Variants in LAYN observed in about 807,000 individuals in gnomAD.
LAYN encodes the protein layilin.
LAYN carries 38 observed loss-of-function variants against 43.6 expected under a neutral mutation model. The observed-to-expected ratio is 0.87, with a 90% CI of 0.67 to 1.14. The LOEUF (loss-of-function observed/expected upper bound fraction) is 1.14, where lower values mean the gene tolerates loss of function less well. Among genes scored for constraint, LAYN ranks in the 50% most tolerant of loss-of-function variants. The pLI, the probability that LAYN is intolerant of heterozygous loss-of-function variation, is 0.00. For synonymous variants in LAYN, 168 were observed against 172.9 expected (o/e 0.97, Z 0.22); for missense variants, 479 against 463.8 (o/e 1.03, Z -0.30).
intron 3 of LAYN, among the ~76,000 whole-genome samples, chr11:111,552,589 G>A (rs1308419621): frequency 6.6e-6 from 1 of 152,222 alleles, no homozygotes; most frequent in African/African-American, 2.4e-5. Flanking sequence ...CATATTCAGT[G>A]AATATCAGAA....
chr11:111,559,988 A>G (rs1231217249), intron 6 of LAYN, 107 bp from the exon 7 acceptor site: 33 of 1,311,628 alleles, frequency 2.5e-5, no homozygotes, highest in Non-Finnish European at 3.4e-5. Flanking sequence ...CGAGACATGC[A>G]GCTGGGTGAC....
Position 111,540,870 on chromosome 11 carries a change from C to T in LAYN, c.27C>T (p.Ala9=), listed in dbSNP as rs17852272. 6 of 1,532,010 alleles carry T rather than the reference C, an allele frequency of 3.9e-6. No individual in the cohort carries two copies. Among genetic ancestry groups the T allele is most frequent in the East Asian group, 2.5e-5 (1 of 40,742 alleles). The allele number at this position is 1,532,010 out of a possible 1,614,324, so 94.9% of individuals were successfully genotyped here. MRPGTALQ[A]VLLAVLLVGL... ...TGAGGCCGGGAACCGCGCTACAGGC[C>T]GTGCTGCTGGCCGTGCTGCTGGTGG... The change falls in exon 1 of 7, where the codon GCC becomes GCT. Residue 9 remains alanine (A), a synonymous_variant. Transcript: ENST00000375614.
At chr11:111,556,655 G>A (rs1472224053) in intron 5 of LAYN, among the ~76,000 whole-genome samples, 1 of 152,164 alleles carries the variant, frequency 6.6e-6, no homozygotes, top group African/African-American at 2.4e-5. Context: ...AAAGGTGGGT[G>A]GCATTTCTAT....
At chr11:111,549,872 G>A (rs536834122) in intron 3 of LAYN, 97 bp downstream of exon 3, 2 of 1,337,066 alleles carry the variant, frequency 1.5e-6, no homozygotes, top group Admixed American at 2.5e-5. Flanking sequence ...TGGTCTCTGA[G>A]AAAGCTTGTT....
chr11:111,549,584 C>T (rs1565267761), intron 2 of LAYN, 34 bp from the exon 3 acceptor site: 7 of 1,488,660 alleles, frequency 4.7e-6, no homozygotes, highest in Non-Finnish European at 5.3e-6. Context: ...GGATCCTTCT[C>T]CAGTTGCCTC....
At chr11:111,555,107 C>A in intron 4 of LAYN, 100 bp from the exon 5 acceptor site, 1 of 875,028 alleles carries the variant, frequency 1.1e-6, no homozygotes, top group South Asian at 1.6e-5. Context: ...GGCAAAATTT[C>A]TACAGCTTTT....
intron 1 of LAYN, among the ~76,000 whole-genome samples, chr11:111,543,089 C>T (rs1270127238): frequency 1.3e-5 from 2 of 152,068 alleles, no homozygotes; most frequent in African/African-American, 2.4e-5. Context: ...TGGGGTGCAG[C>T]GGGGAGCTAG....
chr11:111,540,413 G>A (rs1016918038), upstream of LAYN: 11 of 191,504 alleles, frequency 5.7e-5, no homozygotes, highest in East Asian at 1.0e-3. Flanking sequence ...CGGGAGAGGA[G>A]GGGTGAGATG....
chr11:111,556,136 A>G (rs1175506874), intron 5 of LAYN, among the ~76,000 whole-genome samples: 1 of 152,214 alleles, frequency 6.6e-6, no homozygotes, highest in Non-Finnish European at 1.5e-5. Flanking sequence ...ATTCACTAGA[A>G]CAACCTACAG....
intron 6 of LAYN, among the ~76,000 whole-genome samples, 175 bp downstream of exon 6, chr11:111,557,818 T>C (rs188931428): frequency 6.6e-6 from 1 of 152,354 alleles, no homozygotes; most frequent in African/African-American, 2.4e-5. Context: ...CATTTGTGCT[T>C]AGTTGTGATT....
At chr11:111,551,293 C>G (rs781394336) in intron 3 of LAYN, 19 of 455,922 alleles carry the variant, frequency 4.2e-5, no homozygotes, top group South Asian at 2.9e-4. Flanking sequence ...CTCTTTCCTT[C>G]TATCCTCTGA....
chr11:111,560,366 T>A lies in LAYN; in HGVS notation c.1033T>A (p.Phe345Ile). Reference protein sequence around the residue: ...FVTLVSVESGFVTNDIYEFSP... With the variant: ...FVTLVSVESGIVTNDIYEFSP... ...GACTCTGGTGAGCGTGGAGAGTGGA[T>A]TTGTGACCAATGACATTTATGAGTT... The change falls in exon 7 of 7, where the codon TTT (phenylalanine) becomes ATT (isoleucine). Residue 345 changes from phenylalanine to isoleucine, a missense_variant. Transcript: ENST00000375614. 6.2e-7 allele frequency: 1 copy of A among 1,614,022 alleles called. No homozygotes were observed. The highest frequency in any genetic ancestry group is 2.2e-5 in the East Asian group (1 of 44,868).
At chr11:111,546,069 T>C (rs1365278885) in intron 2 of LAYN, among the ~76,000 whole-genome samples, 2 of 152,220 alleles carry the variant, frequency 1.3e-5, no homozygotes, top group Non-Finnish European at 2.9e-5. Context: ...TACCTATTAG[T>C]ATCTATTGTA....
At position 111,554,641 on chromosome 11, in the gene LAYN, C is replaced by T. The variant is rs188689520; in HGVS notation, c.574+48C>T. On this transcript the variant is annotated intron_variant, in intron 4 of 6. Transcript: ENST00000375614. ...GGGTTAACTGGGGCTGTTTCATAGC[C>T]CCTCTTCACAGGTTTAAAGCCCTAT... 2.8e-5 allele frequency: 42 copies of T among 1,508,040 alleles called. 2 individuals are homozygous for T. In the East Asian group the frequency reaches 3.6e-4, roughly 13 times the overall value. 93.4% of individuals were successfully genotyped at this position (1,508,040 alleles called of 1,614,324 possible).
At chr11:111,542,150 G>T (rs1035444040) in intron 1 of LAYN, among the ~76,000 whole-genome samples, 1 of 152,206 alleles carries the variant, frequency 6.6e-6, no homozygotes, top group Admixed American at 6.5e-5. Context: ...GGGCTCATTT[G>T]CCCCTCCTCT....
chr11:111,550,759 TG>T (rs1436548524), intron 3 of LAYN, among the ~76,000 whole-genome samples: 1 of 152,224 alleles, frequency 6.6e-6, no homozygotes, highest in African/African-American at 2.4e-5. Context: ...TATGAAGCAG[TG>T]AAAGCAAGGC....
At position 111,561,456 on chromosome 11, in the gene LAYN, T is replaced by C. The variant is rs970273808; in HGVS notation, c.*998T>C. On this transcript the variant is annotated 3_prime_UTR_variant, in exon 7 of 7. Coordinates refer to ENST00000375614, the MANE Select transcript of LAYN (RefSeq NM_178834.5). The stretch of plus-strand genomic sequence containing the variant: ...TCCCTGATACTACACGTTGTTCTGT[T>C]TGCATGTTTGTTACTGCAGCATCAA... 2.6e-5 allele frequency: 4 copies of C among 152,322 alleles called. No individual in the cohort carries two copies. Among genetic ancestry groups the C allele is most frequent in the African/African-American group, 9.6e-5 (4 of 41,576 alleles). 9.4% of individuals were successfully genotyped at this position (152,322 alleles called of 1,614,324 possible). A position where few individuals can be genotyped will look rare whatever the true frequency, so the allele number is the denominator to read the frequency against.
chr11:111,546,410 T>A (rs548718491), intron 2 of LAYN, among the ~76,000 whole-genome samples: 1 of 152,332 alleles, frequency 6.6e-6, no homozygotes, highest in South Asian at 2.1e-4. Context: ...CAACTAAAGC[T>A]CTGGCCATTG....
chr11:111,553,008 C>T (rs1867769290), intron 3 of LAYN, among the ~76,000 whole-genome samples: 1 of 152,120 alleles, frequency 6.6e-6, no homozygotes. Context: ...TTGGTTTCCT[C>T]ATGTACAAAA....
Sources: allele counts gnomAD v4.1 joint callset (sites outside exome capture counted in the v4.1 genomes callset), GRCh38; gene constraint gnomAD v4.1.1; transcripts MANE v1.5; gene names NCBI Gene and HGNC (gene_info 2026-07-23, HGNC 2026-07-21).